BTBD7: variants seen among roughly 807,000 people sequenced by gnomAD.
The protein encoded by BTBD7 is BTB/POZ domain-containing protein 7.
Under a neutral mutation model 99.9 loss-of-function variants are expected in BTBD7, and 38 were observed. That is an observed-to-expected ratio of 0.38 (90% CI 0.29 to 0.50). The LOEUF is 0.50. Among genes scored for constraint, BTBD7 ranks in the 20% least tolerant of loss-of-function variants. BTBD7 has a pLI of 0.93. For synonymous variants in BTBD7, 520 were observed against 511.4 expected (o/e 1.02, Z -0.23); for missense variants, 1,170 against 1,394.6 (o/e 0.84, Z 2.57).
chr14:93,303,717 G>A (rs2053033137), intron 1 of BTBD7, among the ~76,000 whole-genome samples: 1 of 152,222 alleles, frequency 6.6e-6, no homozygotes, highest in African/African-American at 2.4e-5. Context: ...CTCCTACTCT[G>A]CCACCTTTAC....
intron 3 of BTBD7, among the ~76,000 whole-genome samples, chr14:93,267,608 T>C (rs2052556087): frequency 6.6e-6 from 1 of 152,224 alleles, no homozygotes; most frequent in Non-Finnish European, 1.5e-5. Flanking sequence ...ACACCTGACT[T>C]TCACATGGAT....
chr14:93,295,656 G>A (rs2052916416), intron 2 of BTBD7, among the ~76,000 whole-genome samples: 1 of 152,068 alleles, frequency 6.6e-6, no homozygotes, highest in Admixed American at 6.6e-5. Context: ...GCATTTGTAT[G>A]GGCAAAATAA....
At chr14:93,262,300 T>A (rs1300126278) in intron 4 of BTBD7, among the ~76,000 whole-genome samples, 1 of 151,934 alleles carries the variant, frequency 6.6e-6, no homozygotes, top group Admixed American at 6.6e-5. Flanking sequence ...GCCTGGCTAA[T>A]TTTTTTGTAT....
intron 1 of BTBD7, among the ~76,000 whole-genome samples, chr14:93,329,687 C>T (rs1420275786): frequency 6.6e-6 from 1 of 152,054 alleles, no homozygotes; most frequent in African/African-American, 2.4e-5. Flanking sequence ...TGAAATAAGC[C>T]AGATATAGAA....
In BTBD7 at chr14:93,279,779, A is replaced by G. The variant is rs926225454; in HGVS notation, c.1162+14079T>C. Reference sequence around the variant, plus strand: ...GCCAGACTGATGGACTATCATTTTCATTACTTTAATCTCAGGTTCTGGCAC... The same window carrying G: ...GCCAGACTGATGGACTATCATTTTCGTTACTTTAATCTCAGGTTCTGGCAC... On this transcript the variant is annotated intron_variant, in intron 3 of 10. Transcript: ENST00000334746. 2.0e-5 allele frequency among the ~76,000 whole-genome samples: 3 copies of G among 152,100 alleles called. No individual in the cohort carries two copies. The East Asian group carries it at 5.8e-4, about 29-fold the overall frequency.
At chr14:93,296,890 A>G (rs2052934871) in intron 1 of BTBD7, among the ~76,000 whole-genome samples, 1 of 152,258 alleles carries the variant, frequency 6.6e-6, no homozygotes, top group Non-Finnish European at 1.5e-5. Context: ...TAACAATTAC[A>G]GATTAAATTC....
At chr14:93,303,434 T>G (rs1262418679) in intron 1 of BTBD7, among the ~76,000 whole-genome samples, 1 of 143,546 alleles carries the variant, frequency 7.0e-6, no homozygotes, top group Non-Finnish European at 1.5e-5. Context: ...CAAGACCCCA[T>G]CTCAGAAAAA....
intron 5 of BTBD7, among the ~76,000 whole-genome samples, chr14:93,259,964 A>G (rs1477701419): frequency 1.3e-5 from 2 of 152,132 alleles, no homozygotes; most frequent in African/African-American, 4.8e-5. Context: ...AACAAAAATC[A>G]TAACTTTGTT....
chr14:93,331,647 G>T (rs1310313820), intron 1 of BTBD7, among the ~76,000 whole-genome samples: 1 of 152,216 alleles, frequency 6.6e-6, no homozygotes, highest in Non-Finnish European at 1.5e-5. Context: ...TCGGAAGGAC[G>T]AGGCGGGCGG....
rs67961223 is a variant in BTBD7 at position 93,241,311 on chromosome 14, A to AT, written c.*961dup. The AT allele has an allele frequency of 4.4e-3, 648 of 146,242 alleles. 7 individuals carry two copies. Among genetic ancestry groups the AT allele is most frequent in the East Asian group, 0.025 (126 of 5,032 alleles). 9.1% of individuals were successfully genotyped at this position (146,242 alleles called of 1,614,324 possible). On this transcript the variant is annotated 3_prime_UTR_variant, in exon 11 of 11. Coordinates refer to ENST00000334746, the MANE Select transcript of BTBD7 (RefSeq NM_001002860.4). ...GGCACGCACCACCACGCCTGGCTAG[A>AT]TTTTTTTTTTTTTGTATTTTTTATA...
At position 93,242,803 on chromosome 14, in the gene BTBD7, TAGA is replaced by T; in HGVS notation, c.2866_2868del (p.Ser956del). On this transcript the variant is annotated inframe_deletion, in exon 11 of 11. Coordinates refer to ENST00000334746, the MANE Select transcript of BTBD7 (RefSeq NM_001002860.4). ...GGGGTGCGTCTGCTGAGAGCAGGAGTAGAAGGTCTGCAAGCAGCATTTGAGAAG... is the reference window on the plus strand; with the variant it reads ...GGGGTGCGTCTGCTGAGAGCAGGAGTAGGTCTGCAAGCAGCATTTGAGAAG... 6.2e-7 allele frequency: 1 copy of T among 1,613,874 alleles called. No homozygotes were observed. The highest frequency in any genetic ancestry group is 8.5e-7 in the Non-Finnish European group (1 of 1,179,958).
At chr14:93,273,772 A>G (rs538015829) in intron 3 of BTBD7, among the ~76,000 whole-genome samples, 100 of 152,348 alleles carry the variant, frequency 6.6e-4, no homozygotes, top group African/African-American at 2.3e-3. Context: ...CTCCAAACCA[A>G]TAATGAGGAT....
chr14:93,316,148 T>C (rs1311531135), intron 1 of BTBD7, among the ~76,000 whole-genome samples: 1 of 151,930 alleles, frequency 6.6e-6, no homozygotes, highest in Non-Finnish European at 1.5e-5. Context: ...GAGATAGGGT[T>C]TCACCATGTT....
rs1351985365 is a variant in BTBD7, at chr14:93,246,178, T to C, written c.2230A>G (p.Met744Val). The C allele has an allele frequency of 6.2e-7, 1 of 1,613,522 alleles. No homozygotes were observed. Among genetic ancestry groups the C allele is most frequent in the African/African-American group, 1.3e-5 (1 of 74,802 alleles). Residue 744 changes from methionine (M) to valine (V), a missense_variant, in exon 10 of 11, where the codon ATG (methionine) becomes GTG (valine). Around this residue, in one of 4 missense-constraint regions of BTBD7, gnomAD observed 495 missense variants for 525.9 expected, o/e 0.94. Coordinates refer to ENST00000334746, the MANE Select transcript of BTBD7 (RefSeq NM_001002860.4). The stretch of plus-strand genomic sequence containing the variant: ...ACAAAAGAGTCCAGATCTGTAAACA[T>C]GGTTTCTGCAGGAGGTGTACTGTTT... ...RVNSTPPAET[M>V]FTDLDSFVAF...
At chr14:93,266,148 A>G (rs2052540613) in intron 3 of BTBD7, among the ~76,000 whole-genome samples, 1 of 152,192 alleles carries the variant, frequency 6.6e-6, no homozygotes, top group Non-Finnish European at 1.5e-5. Flanking sequence ...CTTAACTGGA[A>G]CTATATAAAA....
At chr14:93,253,828 A>T in intron 6 of BTBD7, 38 bp from the exon 7 acceptor site, 1 of 1,165,890 alleles carries the variant, frequency 8.6e-7, no homozygotes, top group Non-Finnish European at 1.2e-6. Context: ...AAATCTGTGT[A>T]GTACTATAAT....
chr14:93,280,598 A>AGTGCAAAATGTTTTAGTGC (rs1179046583), intron 3 of BTBD7, among the ~76,000 whole-genome samples: 35 of 152,348 alleles, frequency 2.3e-4, no homozygotes, highest in African/African-American at 8.2e-4. Context: ...TGAGATACAT[A>AGTGCAAAATGTTTTAGTGC]AAAATGTTTT....
At chr14:93,328,979 C>A (rs1029793327) in intron 1 of BTBD7, among the ~76,000 whole-genome samples, 4 of 152,128 alleles carry the variant, frequency 2.6e-5, no homozygotes, top group South Asian at 2.1e-4. Context: ...ATAATGATTT[C>A]TTGGCTATGA....
chr14:93,288,655 G>A, intron 3 of BTBD7: 1 of 1,376,810 alleles, frequency 7.3e-7, no homozygotes, highest in African/African-American at 1.4e-5. Flanking sequence ...GAGGCAGTAA[G>A]CAGCTGTTTG....
Sources: gnomAD v4.1 joint callset for allele counts (sites outside exome capture counted in the v4.1 genomes callset) on GRCh38, gnomAD v4.1.1 for gene constraint, gnomAD v4.1.1 regional missense constraint, MANE v1.5 for transcripts, NCBI Gene and HGNC (gene_info 2026-07-23, HGNC 2026-07-21) for gene names.